The following ARIH2 variants were observed in gnomAD, a reference collection of about 807,000 sequenced individuals.
The protein encoded by ARIH2 is ariadne RBR E3 ubiquitin protein ligase 2, also known as E3 ubiquitin-protein ligase ARIH2.
In ARIH2, 12 loss-of-function variants were observed where a neutral mutation model predicts 79.8. That is an observed-to-expected ratio of 0.15 (90% CI 0.10 to 0.24). The LOEUF is 0.24. ARIH2 is among the 10% of genes least tolerant of loss of function. The probability of loss-of-function intolerance (pLI) is 1.00; values close to 1 mark genes in which losing one functional copy is unlikely to be tolerated. For synonymous variants in ARIH2, 224 were observed against 213.9 expected, an observed-to-expected ratio of 1.05 and a Z score of -0.41; for missense variants, 301 against 618.3, an observed-to-expected ratio of 0.49 and a Z score of 5.44.
At chr3:48,954,156 G>C (rs2090316653) in intron 3 of ARIH2, among the ~76,000 whole-genome samples, 1 of 149,424 alleles carries the variant, frequency 6.7e-6, no homozygotes, top group Admixed American at 6.7e-5. Flanking sequence ...GCGAGACTTT[G>C]TCGCAAAAAA....
Position 48,918,996 on chromosome 3 carries a change from C to A in ARIH2, c.-164C>A. On this transcript the variant is annotated splice_region_variant and 5_prime_UTR_variant, in exon 1 of 16. Coordinates refer to ENST00000356401, the MANE Select transcript of ARIH2 (RefSeq NM_006321.4). ...CTCAGCGGCCGCGAGGCCGCAGCTCCCGGTAAGTGCGCGGCGCACGTCACG... is the reference window on the plus strand; with the variant it reads ...CTCAGCGGCCGCGAGGCCGCAGCTCACGGTAAGTGCGCGGCGCACGTCACG... 1.4e-6 allele frequency: 2 copies of A among 1,444,374 alleles called. No homozygotes were observed. The highest frequency in any genetic ancestry group is 1.8e-6 in the Non-Finnish European group (2 of 1,105,084). 89.5% of individuals were successfully genotyped at this position (1,444,374 alleles called of 1,614,324 possible).
At chr3:48,940,322 A>G (rs926464553) in intron 3 of ARIH2, among the ~76,000 whole-genome samples, 2 of 152,142 alleles carry the variant, frequency 1.3e-5, no homozygotes, top group Non-Finnish European at 2.9e-5. Context: ...GTGAGCCCAG[A>G]TTTTAAAAAA....
At chr3:48,944,672 G>T (rs972023686) in intron 3 of ARIH2, among the ~76,000 whole-genome samples, 1 of 152,128 alleles carries the variant, frequency 6.6e-6, no homozygotes, top group African/African-American at 2.4e-5. Context: ...AGATTCAGGG[G>T]TGAGCCTGGT....
chr3:48,970,425 T>C (rs1026800717), intron 7 of ARIH2, among the ~76,000 whole-genome samples, 170 bp from the exon 8 acceptor site: 1 of 152,238 alleles, frequency 6.6e-6, no homozygotes, highest in South Asian at 2.1e-4. Context: ...TCTAAATTCC[T>C]CTTTAATATC....
At chr3:48,956,543 G>T (rs1453979870) in intron 3 of ARIH2, among the ~76,000 whole-genome samples, 1 of 131,826 alleles carries the variant, frequency 7.6e-6, no homozygotes, top group Admixed American at 8.9e-5. Context: ...CAATTCTCCC[G>T]CCTCAGCCTC....
chr3:48,981,369 G>A, intron 13 of ARIH2, among the ~76,000 whole-genome samples: 1 of 152,018 alleles, frequency 6.6e-6, no homozygotes, highest in South Asian at 2.1e-4. Context: ...TAAGCATTGA[G>A]ATAGATGTGT....
intron 3 of ARIH2, among the ~76,000 whole-genome samples, chr3:48,956,439 CTTTTTTTTTTTTTTT>C (rs34693818): frequency 0.021 from 747 of 36,282 alleles, 12 homozygotes; most frequent in Non-Finnish European, 0.031. Flanking sequence ...GCGCCCGGCA[CTTTTTTTTTTTTTTT>C]TTTTTTTTTT....
chr3:48,983,051 G>A, intron 15 of ARIH2, 72 bp downstream of exon 15: 2 of 1,534,588 alleles, frequency 1.3e-6, no homozygotes, highest in South Asian at 2.2e-5. Flanking sequence ...TGACAGCGTT[G>A]TTGGCTTGTG....
intron 3 of ARIH2, among the ~76,000 whole-genome samples, chr3:48,953,064 G>C (rs1388253332): frequency 6.6e-6 from 1 of 151,970 alleles, no homozygotes; most frequent in Non-Finnish European, 1.5e-5. Context: ...CAAGTAGCTG[G>C]GATTACAGGT....
chr3:48,965,003 T>C (rs946540328), intron 5 of ARIH2, 21 bp downstream of exon 5: 10 of 1,607,698 alleles, frequency 6.2e-6, no homozygotes, highest in Non-Finnish European at 8.5e-6. Context: ...ATTACTTGAA[T>C]GAGGCTTCTC....
chr3:48,961,697 G>A lies in ARIH2; in HGVS notation c.323+18G>A, dbSNP rs529068228. 16 of 1,567,086 alleles carry A rather than the reference G, an allele frequency of 1.0e-5. No homozygotes were observed. Among genetic ancestry groups the A allele is most frequent in the Admixed American group, 8.4e-5 (5 of 59,844 alleles). ...TTGGACAGGTAAGGTATTTGGGGGAGGAGAGAGAACATTGCCCATAGCTCC... is the reference window on the plus strand; with the variant it reads ...TTGGACAGGTAAGGTATTTGGGGGAAGAGAGAGAACATTGCCCATAGCTCC... On this transcript the variant is annotated intron_variant, in intron 4 of 15. Transcript: ENST00000356401.
intron 3 of ARIH2, among the ~76,000 whole-genome samples, chr3:48,930,162 T>G (rs2086177460): frequency 6.6e-6 from 1 of 152,116 alleles, no homozygotes. Context: ...CTAAAGGGAC[T>G]CTGGTGTTTT....
At chr3:48,977,654 T>C (rs2092580676) in intron 11 of ARIH2, among the ~76,000 whole-genome samples, 1 of 152,178 alleles carries the variant, frequency 6.6e-6, no homozygotes, top group Non-Finnish European at 1.5e-5. Flanking sequence ...AGACGGGGTT[T>C]CACCTTGTTG....
At chr3:48,920,310 C>T (rs1227289954) in intron 1 of ARIH2, among the ~76,000 whole-genome samples, 2 of 151,058 alleles carry the variant, frequency 1.3e-5, no homozygotes, top group African/African-American at 2.4e-5. Context: ...AAAAAGTGCC[C>T]GGCCCACTTT....
chr3:48,923,457 G>T (rs1019784599), intron 2 of ARIH2, among the ~76,000 whole-genome samples: 5 of 145,218 alleles, frequency 3.4e-5, no homozygotes, highest in Admixed American at 2.1e-4. Flanking sequence ...AATTAATAGG[G>T]TTTTTTTTTT....
In ARIH2 at chr3:48,967,154, T is replaced by C. The variant is rs201979858; in HGVS notation, c.417T>C (p.Cys139=). Residue 139 remains cysteine (C), a synonymous_variant, in exon 6 of 16, where the codon TGT becomes TGC. Coordinates refer to ENST00000356401, the MANE Select transcript of ARIH2 (RefSeq NM_006321.4). ...CCACATCCCATCCCCCTCACCACTG[T>C]GCAGTGTGTATGCAGTTTGTGCGAA... The part of the protein sequence containing the change: ...HVPTSHPPHH[C]AVCMQFVRKE... 6.2e-7 allele frequency: 1 copy of C among 1,614,182 alleles called. No homozygotes were observed. Among genetic ancestry groups the C allele is most frequent in the East Asian group, 2.2e-5 (1 of 44,882 alleles).
intron 9 of ARIH2, among the ~76,000 whole-genome samples, chr3:48,974,146 G>A (rs988276809): frequency 2.4e-4 from 36 of 152,306 alleles, no homozygotes; most frequent in Admixed American, 9.2e-4. Context: ...AGCCACACTT[G>A]ATACATATAA....
chr3:48,930,878 T>A lies in ARIH2; in HGVS notation c.255+3065T>A, dbSNP rs1459863567. ...GCTTGTAGAAAATGTTGTGTGTATG[T>A]AATTGAAAATTATAGCCTTACGAAT... On this transcript the variant is annotated intron_variant, in intron 3 of 15. Transcript: ENST00000356401. Among the ~76,000 whole-genome samples, 12 of 152,322 alleles carry A rather than the reference T, an allele frequency of 7.9e-5. 1 individual carries two copies. In the South Asian group the frequency reaches 2.5e-3, roughly 32 times the overall value.
chr3:48,927,514 A>G lies in ARIH2; in HGVS notation c.-45A>G. ...AAGCGGTAGTTTTGGGGGGAGGGGGAAAAAGCAACTGCTTTCCTGATCTGC... is the reference window on the plus strand; with the variant it reads ...AAGCGGTAGTTTTGGGGGGAGGGGGGAAAAGCAACTGCTTTCCTGATCTGC... On this transcript the variant is annotated 5_prime_UTR_variant, in exon 3 of 16. Transcript: ENST00000356401. The G allele has an allele frequency of 1.3e-6, 2 of 1,588,070 alleles. No individual in the cohort carries two copies. Among genetic ancestry groups the G allele is most frequent in the African/African-American group, 1.4e-5 (1 of 73,286 alleles).
Sources: gnomAD v4.1 joint callset for allele counts (sites outside exome capture counted in the v4.1 genomes callset) on GRCh38, gnomAD v4.1.1 for gene constraint, MANE v1.5 for transcripts, NCBI Gene and HGNC (gene_info 2026-07-23, HGNC 2026-07-21) for gene names.